Variants in PRPSAP2 observed in about 807,000 individuals in gnomAD.
The protein encoded by PRPSAP2 is phosphoribosyl pyrophosphate synthase-associated protein 2.
In PRPSAP2, 24 loss-of-function variants were observed where a neutral mutation model predicts 40.6. The ratio of observed to expected loss-of-function variants is 0.59; its 90% CI spans 0.43 to 0.83. The LOEUF is 0.83. PRPSAP2 is among the 40% of genes least tolerant of loss of function. PRPSAP2 has a pLI of 0.00. For synonymous variants in PRPSAP2, 149 were observed against 164.7 expected, an observed-to-expected ratio of 0.90 and a Z score of 0.73; for missense variants, 292 against 465.6, an observed-to-expected ratio of 0.63 and a Z score of 3.43.
intron 8 of PRPSAP2, among the ~76,000 whole-genome samples, chr17:18,890,815 C>T (rs2039501093): frequency 6.6e-6 from 1 of 152,132 alleles, no homozygotes. Context: ...AGAATTTTAT[C>T]CAGCTGAGAG....
chr17:18,860,114 T>C (rs1264821432), intron 1 of PRPSAP2, among the ~76,000 whole-genome samples: 61 of 131,756 alleles, frequency 4.6e-4, no homozygotes, highest in Middle Eastern at 0.011. Context: ...GGTTGGAGTG[T>C]AGTGGCGCGA....
At chr17:18,920,909 A>G (rs1190582153) in intron 9 of PRPSAP2, among the ~76,000 whole-genome samples, 1 of 151,856 alleles carries the variant, frequency 6.6e-6, no homozygotes, top group Non-Finnish European at 1.5e-5. Context: ...TGCTTCATAC[A>G]TAATTGTGCA....
At chr17:18,929,986 G>C (rs995285074) in intron 11 of PRPSAP2, among the ~76,000 whole-genome samples, 1 of 152,150 alleles carries the variant, frequency 6.6e-6, no homozygotes, top group Non-Finnish European at 1.5e-5. Flanking sequence ...GTGAGTTGGG[G>C]GGGGGCTCCA....
chr17:18,866,180 CT>C (rs1423318556), intron 3 of PRPSAP2, among the ~76,000 whole-genome samples: 1 of 151,822 alleles, frequency 6.6e-6, no homozygotes, highest in Non-Finnish European at 1.5e-5. Context: ...TCCCATCTCC[CT>C]ACATATTCTT....
At chr17:18,908,842 G>A (rs2040769789) in intron 8 of PRPSAP2, 10 of 679,072 alleles carry the variant, frequency 1.5e-5, no homozygotes, top group African/African-American at 5.4e-5. Flanking sequence ...GGAAACCAAG[G>A]AGGATGCTGA....
chr17:18,894,346 A>G (rs545212483), intron 8 of PRPSAP2, among the ~76,000 whole-genome samples: 1 of 151,970 alleles, frequency 6.6e-6, no homozygotes, highest in South Asian at 2.1e-4. Context: ...TTTAGTAGAG[A>G]TGGGGTTTCT....
chr17:18,878,069 A>G (rs1027826115), intron 6 of PRPSAP2, among the ~76,000 whole-genome samples, 199 bp downstream of exon 6: 22 of 151,940 alleles, frequency 1.4e-4, no homozygotes, highest in African/African-American at 5.3e-4. Flanking sequence ...GGCACATACC[A>G]CCCTGCCTGC....
chr17:18,872,715 T>C lies in PRPSAP2; in HGVS notation c.239+66T>C, dbSNP rs148382054. 121 of 1,218,116 alleles carry C rather than the reference T, an allele frequency of 9.9e-5. No individual in the cohort carries two copies. The East Asian group carries it at 2.4e-3, about 24-fold the overall frequency. The allele number at this position is 1,218,116 out of a possible 1,614,324, so 75.5% of individuals were successfully genotyped here. A position where few individuals can be genotyped will look rare whatever the true frequency, so the allele number is the denominator to read the frequency against. On this transcript the variant is annotated intron_variant, in intron 5 of 11. Coordinates refer to ENST00000268835, the MANE Select transcript of PRPSAP2 (RefSeq NM_002767.4). The stretch of plus-strand genomic sequence containing the variant: ...TAGGCATGAGTGTTTAAAATAATGA[T>C]AGATGGCTAGCCAGGAAGAGTTATA...
chr17:18,860,342 C>T (rs2036913617), intron 1 of PRPSAP2, among the ~76,000 whole-genome samples: 1 of 152,236 alleles, frequency 6.6e-6, no homozygotes, highest in African/African-American at 2.4e-5. Flanking sequence ...AGGCCTGAGG[C>T]ACTGCGCCTG....
chr17:18,903,789 C>T (rs1187657560), intron 8 of PRPSAP2, among the ~76,000 whole-genome samples: 1 of 152,108 alleles, frequency 6.6e-6, no homozygotes, highest in Non-Finnish European at 1.5e-5. Context: ...GACATGGCAT[C>T]AACACAGTAA....
At position 18,892,727 on chromosome 17, in the gene PRPSAP2, G is replaced by GTGTGTGTGTGTGTGTGTGTT. The variant is rs60288281; in HGVS notation, c.584+2851_584+2852insGTGTGTGTGTGTGTGTGTTT. On this transcript the variant is annotated intron_variant, in intron 8 of 11. Transcript: ENST00000268835. ...TGTGTGTGTGTGTGTGTGTGTGTGT[G>GTGTGTGTGTGTGTGTGTGTT]TATTTATTTATTTATTTATTTTTTT... Among the ~76,000 whole-genome samples, 151 of 126,694 alleles carry GTGTGTGTGTGTGTGTGTGTT rather than the reference G, an allele frequency of 1.2e-3. 1 individual carries two copies. Among genetic ancestry groups the GTGTGTGTGTGTGTGTGTGTT allele is most frequent in the Non-Finnish European group, 1.9e-3 (112 of 60,142 alleles). The allele number at this position is 126,694 out of a possible 152,430, so 83.1% of individuals were successfully genotyped here.
intron 10 of PRPSAP2, among the ~76,000 whole-genome samples, chr17:18,924,681 A>G (rs917973169): frequency 5.9e-5 from 9 of 151,490 alleles, no homozygotes; most frequent in Non-Finnish European, 1.2e-4. Context: ...AGGCGGGAGG[A>G]TCACTTGAGC....
At chr17:18,878,488 T>C (rs1401366345) in intron 6 of PRPSAP2, among the ~76,000 whole-genome samples, 1 of 152,232 alleles carries the variant, frequency 6.6e-6, no homozygotes, top group Non-Finnish European at 1.5e-5. Context: ...ATAGTTGTTA[T>C]TGGGTATTTG....
intron 8 of PRPSAP2, among the ~76,000 whole-genome samples, chr17:18,893,436 T>C (rs936790078): frequency 6.6e-6 from 1 of 152,024 alleles, no homozygotes; most frequent in East Asian, 1.9e-4. Flanking sequence ...TTGTTTGTTA[T>C]TGCCTCTGCT....
chr17:18,867,267 C>T lies in PRPSAP2; in HGVS notation c.120-15C>T, dbSNP rs774644945. The T allele has an allele frequency of 3.7e-6, 6 of 1,613,510 alleles. No homozygotes were observed. In the African/African-American group the frequency reaches 8.0e-5, roughly 22 times the overall value. ...CTATTACTTTTTCAGCTTTTTCCCC[C>T]TTTCTCTTCTCTAGGCGGCTAGGGG... On this transcript the variant is annotated splice_polypyrimidine_tract_variant and intron_variant, in intron 3 of 11. Coordinates refer to ENST00000268835, the MANE Select transcript of PRPSAP2 (RefSeq NM_002767.4).
intron 9 of PRPSAP2, among the ~76,000 whole-genome samples, chr17:18,922,668 A>AT (rs57263191): frequency 0.27 from 24,341 of 89,402 alleles, 3,962 homozygotes; most frequent in Non-Finnish European, 0.29. Context: ...TATATATATA[A>AT]TTTTTTTTTT....
chr17:18,864,713 G>A (rs2037304711), intron 1 of PRPSAP2, among the ~76,000 whole-genome samples: 1 of 152,184 alleles, frequency 6.6e-6, no homozygotes, highest in Non-Finnish European at 1.5e-5. Context: ...CTTCCCAGAG[G>A]TCCCAGGTGA....
intron 8 of PRPSAP2, among the ~76,000 whole-genome samples, chr17:18,908,077 A>G (rs530400348): frequency 6.6e-6 from 1 of 152,078 alleles, no homozygotes; most frequent in East Asian, 1.9e-4. Context: ...TGGAGGCTGC[A>G]GTGAGCCGAG....
intron 10 of PRPSAP2, among the ~76,000 whole-genome samples, chr17:18,925,149 T>C (rs1478209234): frequency 6.6e-6 from 1 of 151,640 alleles, no homozygotes; most frequent in Non-Finnish European, 1.5e-5. Context: ...AACTACAAAG[T>C]TGATTATAAC....
Sources: allele counts gnomAD v4.1 joint callset (sites outside exome capture counted in the v4.1 genomes callset), GRCh38; gene constraint gnomAD v4.1.1; transcripts MANE v1.5; gene names NCBI Gene and HGNC (gene_info 2026-07-23, HGNC 2026-07-21).